The following ADK variants were observed in gnomAD, a reference collection of about 807,000 sequenced individuals.
The protein encoded by ADK is N6,N6-dimethyladenosine kinase.
In ADK, 24 loss-of-function variants were observed where a neutral mutation model predicts 44.7. That is an observed-to-expected ratio of 0.54 (90% CI 0.39 to 0.76). ADK has a LOEUF of 0.76. Ranked by LOEUF, ADK falls within the 30% of genes least tolerant of loss-of-function variation. The pLI is 0.00. For synonymous variants in ADK, 128 were observed against 142.6 expected (o/e 0.90, Z 0.73); for missense variants, 321 against 425.1 (o/e 0.76, Z 2.15).
chr10:74,367,345 TG>T (rs1449113674), intron 4 of ADK, among the ~76,000 whole-genome samples: 1 of 152,232 alleles, frequency 6.6e-6, no homozygotes, highest in African/African-American at 2.4e-5. Context: ...CTATGTTTCA[TG>T]GATTGTCAGT....
intron 10 of ADK, among the ~76,000 whole-genome samples, chr10:74,678,142 A>C (rs1855471801): frequency 7.3e-6 from 1 of 136,078 alleles, no homozygotes; most frequent in African/African-American, 3.1e-5. Flanking sequence ...CCCTGTCTCT[A>C]CAAAAAAAAA....
intron 3 of ADK, among the ~76,000 whole-genome samples, chr10:74,291,809 G>T (rs760006438): frequency 6.6e-6 from 1 of 151,140 alleles, no homozygotes; most frequent in African/African-American, 2.4e-5. Flanking sequence ...TGTATTATGT[G>T]TATCATAATG....
At chr10:74,348,895 C>T (rs987574443) in intron 4 of ADK, among the ~76,000 whole-genome samples, 1 of 151,562 alleles carries the variant, frequency 6.6e-6, no homozygotes, top group Non-Finnish European at 1.5e-5. Context: ...ACAAAACCTC[C>T]AAGACATATG....
intron 6 of ADK, among the ~76,000 whole-genome samples, chr10:74,406,517 T>C (rs953790511): frequency 3.8e-5 from 2 of 52,182 alleles, no homozygotes; most frequent in African/African-American, 1.3e-4. Flanking sequence ...ATAATAATAA[T>C]AATAATAATA....
At chr10:74,382,084 C>T (rs1023765804) in intron 4 of ADK, among the ~76,000 whole-genome samples, 3 of 152,068 alleles carry the variant, frequency 2.0e-5, no homozygotes, top group African/African-American at 7.2e-5. Flanking sequence ...CTAAAGGTTT[C>T]TTCCTTTCCT....
At chr10:74,279,569 A>G (rs1354636142) in intron 3 of ADK, among the ~76,000 whole-genome samples, 3 of 150,626 alleles carry the variant, frequency 2.0e-5, no homozygotes, top group Non-Finnish European at 4.4e-5. Context: ...ACAGAGTGAG[A>G]CTTCATCTCA....
At chr10:74,219,279 T>C (rs1458470891) in intron 2 of ADK, among the ~76,000 whole-genome samples, 1 of 151,796 alleles carries the variant, frequency 6.6e-6, no homozygotes, top group African/African-American at 2.4e-5. Context: ...AGAAGGCCAT[T>C]ACATAATGGT....
At chr10:74,403,144 G>A (rs1843777453) in intron 6 of ADK, among the ~76,000 whole-genome samples, 1 of 152,158 alleles carries the variant, frequency 6.6e-6, no homozygotes, top group African/African-American at 2.4e-5. Flanking sequence ...TGAGGTGTCT[G>A]TTGGCCCCTA....
In ADK at chr10:74,607,213, G is replaced by T. The variant is rs547215119; in HGVS notation, c.877+6720G>T. On this transcript the variant is annotated intron_variant, in intron 9 of 10. Transcript: ENST00000539909. ...TCCCCAGTCTGTGTTTTTCAATTGG[G>T]GCATTTAGCCCATTTACATTTAAGG... 4.6e-5 allele frequency among the ~76,000 whole-genome samples: 7 copies of T among 151,998 alleles called. No individual in the cohort carries two copies. The South Asian group carries it at 1.0e-3, about 23-fold the overall frequency.
chr10:74,541,794 A>AG (rs1298422672), intron 7 of ADK, among the ~76,000 whole-genome samples: 1 of 63,736 alleles, frequency 1.6e-5, no homozygotes, highest in Non-Finnish European at 2.9e-5. Context: ...ACCCCCACAC[A>AG]CCCCCCCCCC....
At chr10:74,657,714 C>T (rs966651150) in intron 9 of ADK, among the ~76,000 whole-genome samples, 2 of 152,070 alleles carry the variant, frequency 1.3e-5, no homozygotes, top group African/African-American at 4.8e-5. Context: ...CTACTCTGTA[C>T]TAGATACAGT....
chr10:74,563,912 C>CT (rs1226334156), intron 7 of ADK, among the ~76,000 whole-genome samples: 1 of 151,860 alleles, frequency 6.6e-6, no homozygotes, highest in Non-Finnish European at 1.5e-5. Flanking sequence ...TATTATTATA[C>CT]TTTAAGTTTT....
intron 7 of ADK, among the ~76,000 whole-genome samples, chr10:74,534,868 C>A (rs910108880): frequency 1.3e-5 from 2 of 152,188 alleles, no homozygotes; most frequent in African/African-American, 4.8e-5. Context: ...TCTGTTCCAA[C>A]AAAGTTATTT....
At chr10:74,217,537 C>A (rs866659095) in intron 2 of ADK, among the ~76,000 whole-genome samples, 59 of 152,330 alleles carry the variant, frequency 3.9e-4, no homozygotes, top group South Asian at 1.2e-3. Flanking sequence ...CAGCACGCAG[C>A]TGGAGATCTG....
At chr10:74,583,626 C>T (rs1564804940) in intron 7 of ADK, among the ~76,000 whole-genome samples, 1 of 152,124 alleles carries the variant, frequency 6.6e-6, no homozygotes, top group Non-Finnish European at 1.5e-5. Context: ...CACAAGCAAT[C>T]CTCCCACCTC....
chr10:74,263,866 T>C (rs1391002222), intron 3 of ADK, among the ~76,000 whole-genome samples: 1 of 152,232 alleles, frequency 6.6e-6, no homozygotes, highest in Non-Finnish European at 1.5e-5. Context: ...TTCACCTGTA[T>C]AGACTTGTAT....
chr10:74,538,127 C>T lies in ADK; in HGVS notation c.726+12701C>T, dbSNP rs894733741. On this transcript the variant is annotated intron_variant, in intron 7 of 10. Coordinates refer to ENST00000539909, the MANE Select transcript of ADK (RefSeq NM_006721.4). ...AAAATTAGCTGGGTGTGGTGGCACGCGCCTATAGTCCCAGCTGCTCAGGAG... is the reference window on the plus strand; with the variant it reads ...AAAATTAGCTGGGTGTGGTGGCACGTGCCTATAGTCCCAGCTGCTCAGGAG... Among the ~76,000 whole-genome samples, 12 of 152,082 alleles carry T rather than the reference C, an allele frequency of 7.9e-5. No individual in the cohort carries two copies. The East Asian group carries it at 1.5e-3, about 20-fold the overall frequency.
At chr10:74,444,112 T>G (rs1845515609) in intron 6 of ADK, among the ~76,000 whole-genome samples, 1 of 152,188 alleles carries the variant, frequency 6.6e-6, no homozygotes, top group Non-Finnish European at 1.5e-5. Context: ...GTATTAACTC[T>G]ATGGTGCTTC....
chr10:74,384,150 T>C (rs1471432042), intron 4 of ADK, among the ~76,000 whole-genome samples: 1 of 152,224 alleles, frequency 6.6e-6, no homozygotes, highest in African/African-American at 2.4e-5. Context: ...GTAAGCTTTA[T>C]GTACCCTTAA....
Sources: gnomAD v4.1 joint callset for allele counts (sites outside exome capture counted in the v4.1 genomes callset) on GRCh38, gnomAD v4.1.1 for gene constraint, MANE v1.5 for transcripts, NCBI Gene and HGNC (gene_info 2026-07-23, HGNC 2026-07-21) for gene names.